FYB2: variants seen among roughly 807,000 people sequenced by gnomAD.
FYB2 encodes the protein FYN binding protein 2, also known as FYN-binding protein 2.
Under a neutral mutation model 94.1 loss-of-function variants are expected in FYB2, and 103 were observed. The ratio of observed to expected loss-of-function variants is 1.09; its 90% CI spans 0.93 to 1.29. The LOEUF is 1.29. Ranked by LOEUF, FYB2 falls within the 50% of genes most tolerant of loss-of-function variation. The pLI, the probability that FYB2 is intolerant of heterozygous loss-of-function variation, is 0.00. For synonymous variants in FYB2, 293 were observed against 287.9 expected (o/e 1.02, Z -0.18); for missense variants, 896 against 841.5 (o/e 1.06, Z -0.80).
the FYB2 span, among the ~76,000 whole-genome samples, chr1:56,826,398 C>T: frequency 1.9e-4 from 29 of 152,356 alleles, no homozygotes; most frequent in African/African-American, 7.0e-4. Flanking sequence ...TCTTTAGAAT[C>T]AGCCCCTTGG....
chr1:56,756,913 A>C (rs924933995), intron 6 of FYB2, among the ~76,000 whole-genome samples: 41 of 152,112 alleles, frequency 2.7e-4, no homozygotes, highest in Non-Finnish European at 1.3e-4. Flanking sequence ...CAAAAAACTG[A>C]CTTGTGGTAG....
intron 1 of FYB2, among the ~76,000 whole-genome samples, chr1:56,815,986 T>C (rs111494803): frequency 5.6e-4 from 85 of 152,306 alleles, no homozygotes; most frequent in African/African-American, 1.9e-3. Context: ...GTCTAAACTA[T>C]ACAATAAAAC....
intron 15 of FYB2, among the ~76,000 whole-genome samples, chr1:56,730,868 G>A (rs1417738556): frequency 6.6e-6 from 1 of 152,008 alleles, no homozygotes; most frequent in Non-Finnish European, 1.5e-5. Context: ...GATGAACATA[G>A]ACACAAAAAT....
intron 5 of FYB2, among the ~76,000 whole-genome samples, chr1:56,765,541 T>A (rs980329676): frequency 5.9e-5 from 9 of 152,200 alleles, no homozygotes; most frequent in Non-Finnish European, 1.2e-4. Context: ...GCCACATTTT[T>A]TTCTATGATG....
At chr1:56,727,466 A>G (rs1197004425) in intron 15 of FYB2, among the ~76,000 whole-genome samples, 1 of 152,108 alleles carries the variant, frequency 6.6e-6, no homozygotes, top group Non-Finnish European at 1.5e-5. Context: ...CGAATGGATA[A>G]ATGAATTATG....
At chr1:56,783,163 G>T (rs979988957) in intron 4 of FYB2, among the ~76,000 whole-genome samples, 1 of 152,194 alleles carries the variant, frequency 6.6e-6, no homozygotes, top group Non-Finnish European at 1.5e-5. Flanking sequence ...GACTCATTGA[G>T]TTTGTGTTTT....
chr1:56,767,705 A>G lies in FYB2; in HGVS notation c.1063+124T>C, dbSNP rs1364825489. 4.2e-6 allele frequency: 3 copies of G among 719,428 alleles called. No homozygotes were observed. In the African/African-American group the frequency reaches 5.6e-5, roughly 13 times the overall value. 44.6% of individuals were successfully genotyped at this position (719,428 alleles called of 1,614,324 possible). On this transcript the variant is annotated intron_variant, in intron 5 of 19. Coordinates refer to ENST00000343433, the MANE Select transcript of FYB2 (RefSeq NM_001004303.5). Reference sequence around the variant, plus strand: ...ACACAGAAAAAAAAAAGAAAAAGAAATAAGATGGTTGTGCAGGATGGCTGT... The same window carrying G: ...ACACAGAAAAAAAAAAGAAAAAGAAGTAAGATGGTTGTGCAGGATGGCTGT...
chr1:56,814,803 T>A (rs1014577391), intron 1 of FYB2, among the ~76,000 whole-genome samples: 1 of 151,826 alleles, frequency 6.6e-6, no homozygotes, highest in African/African-American at 2.4e-5. Context: ...TGTTACCCTA[T>A]CTTGTGACTT....
At chr1:56,824,585 C>T (rs1296285875), upstream of FYB2, 1 of 152,258 alleles carries the variant, frequency 6.6e-6, no homozygotes. Context: ...CTCTCACACT[C>T]TTGCACACTC....
chr1:56,756,434 T>C (rs1471940348), intron 6 of FYB2, among the ~76,000 whole-genome samples: 2 of 152,128 alleles, frequency 1.3e-5, no homozygotes, highest in African/African-American at 2.4e-5. Flanking sequence ...CCCTCATTTA[T>C]TCAGTGATTA....
intron 1 of FYB2, among the ~76,000 whole-genome samples, chr1:56,798,956 C>T (rs746530291): frequency 6.6e-6 from 1 of 152,160 alleles, no homozygotes; most frequent in African/African-American, 2.4e-5. Context: ...TAGAAACAAG[C>T]TAATACCTGA....
At chr1:56,800,251 G>A (rs1397630059) in intron 1 of FYB2, among the ~76,000 whole-genome samples, 2 of 152,082 alleles carry the variant, frequency 1.3e-5, no homozygotes, top group African/African-American at 4.8e-5. Flanking sequence ...AGTAGAAGTC[G>A]ATTAAATATA....
intron 19 of FYB2, 26 bp downstream of exon 19, chr1:56,719,996 T>C: frequency 6.4e-7 from 1 of 1,570,948 alleles, no homozygotes; most frequent in South Asian, 1.2e-5. Context: ...AACTCATGAT[T>C]TAAAGTATAA....
chr1:56,732,184 A>G (rs529396609), intron 15 of FYB2, among the ~76,000 whole-genome samples: 1 of 152,304 alleles, frequency 6.6e-6, no homozygotes, highest in East Asian at 1.9e-4. Flanking sequence ...CTATACATGA[A>G]CAATGAACTA....
intron 6 of FYB2, among the ~76,000 whole-genome samples, chr1:56,756,211 C>G (rs1445927966): frequency 6.6e-6 from 1 of 152,118 alleles, no homozygotes; most frequent in African/African-American, 2.4e-5. Context: ...CAAAATGCAT[C>G]GGAAACGTAA....
At chr1:56,790,412 T>C (rs980761469) in intron 2 of FYB2, among the ~76,000 whole-genome samples, 7 of 152,228 alleles carry the variant, frequency 4.6e-5, no homozygotes, top group Non-Finnish European at 7.3e-5. Flanking sequence ...TTATCACTAA[T>C]TGGGCTCAGA....
At chr1:56,780,052 G>A (rs1292719889) in intron 4 of FYB2, among the ~76,000 whole-genome samples, 1 of 152,052 alleles carries the variant, frequency 6.6e-6, no homozygotes, top group Non-Finnish European at 1.5e-5. Flanking sequence ...TCCTAAGATA[G>A]TCATTGGTCT....
At chr1:56,810,244 G>A (rs1011244195) in intron 1 of FYB2, among the ~76,000 whole-genome samples, 10 of 152,140 alleles carry the variant, frequency 6.6e-5, no homozygotes, top group African/African-American at 2.4e-4. Flanking sequence ...TTAGTTTCCA[G>A]TAATAGAAAT....
In FYB2 at chr1:56,764,914, T is replaced by C. The variant is rs140772949; in HGVS notation, c.1063+2915A>G. On this transcript the variant is annotated intron_variant, in intron 5 of 19. Coordinates refer to ENST00000343433, the MANE Select transcript of FYB2 (RefSeq NM_001004303.5). ...ATGGAGAAGAAGAAAGCAATCTTTATTGGGATGCTTGTAAAGACACTAATC... is the reference window on the plus strand; with the variant it reads ...ATGGAGAAGAAGAAAGCAATCTTTACTGGGATGCTTGTAAAGACACTAATC... 9.8e-5 allele frequency among the ~76,000 whole-genome samples: 15 copies of C among 152,334 alleles called. No homozygotes were observed. In the East Asian group the frequency reaches 2.7e-3, roughly 27 times the overall value.
Sources: allele counts gnomAD v4.1 joint callset (sites outside exome capture counted in the v4.1 genomes callset), GRCh38; gene constraint gnomAD v4.1.1; transcripts MANE v1.5; gene names NCBI Gene and HGNC (gene_info 2026-07-23, HGNC 2026-07-21).